The following KIAA2012 variants were observed in gnomAD, a reference collection of about 807,000 sequenced individuals.
KIAA2012 encodes the protein KIAA2012, also known as uncharacterized protein KIAA2012.
In KIAA2012, 125 loss-of-function variants were observed where a neutral mutation model predicts 150.6. The observed-to-expected ratio is 0.83, with a 90% CI of 0.72 to 0.96. The LOEUF (loss-of-function observed/expected upper bound fraction) is 0.96, where lower values mean the gene tolerates loss of function less well. KIAA2012 is among the 40% of genes least tolerant of loss of function. The probability of loss-of-function intolerance (pLI) is 0.00; values close to 1 mark genes in which losing one functional copy is unlikely to be tolerated. For synonymous variants in KIAA2012, 462 were observed against 504.7 expected (o/e 0.92, Z 1.13); for missense variants, 1,219 against 1,354.9 (o/e 0.90, Z 1.57).
At position 202,090,948 on chromosome 2, in the gene KIAA2012, G is replaced by T. The variant is rs1168529768; in HGVS notation, c.529+19G>T. ...TGCGCAGGTCAGTGGGGAAATGGGA[G>T]GGGGGCACACCCCAAACTGCCCCAC... On this transcript the variant is annotated intron_variant, in intron 3 of 23. Coordinates refer to ENST00000498697, the MANE Select transcript of KIAA2012 (RefSeq NM_001277372.4). 9 of 1,528,830 alleles carry T rather than the reference G, an allele frequency of 5.9e-6. No homozygotes were observed. In the Admixed American group the frequency reaches 1.4e-4, roughly 24 times the overall value. 94.7% of individuals were successfully genotyped at this position (1,528,830 alleles called of 1,614,324 possible). A position where few individuals can be genotyped will look rare whatever the true frequency, so the allele number is the denominator to read the frequency against.
At position 202,109,791 on chromosome 2, in the gene KIAA2012, T is replaced by TAATC. The variant is rs1483067626; in HGVS notation, c.1651+4_1651+7dup. On this transcript the variant is annotated splice_region_variant and intron_variant, in intron 10 of 23. Transcript: ENST00000498697. The stretch of plus-strand genomic sequence containing the variant: ...GGAGGGCACTGCCAGCAGCTCAAGG[T>TAATC]AATCATTCCCAGAGTGCATAGACGC... The TAATC allele has an allele frequency of 1.9e-6, 3 of 1,545,790 alleles. No homozygotes were observed. Among genetic ancestry groups the TAATC allele is most frequent in the Non-Finnish European group, 1.7e-6 (2 of 1,145,284 alleles).
intron 18 of KIAA2012, among the ~76,000 whole-genome samples, chr2:202,189,146 A>G (rs2105745920): frequency 6.6e-6 from 1 of 152,322 alleles, no homozygotes; most frequent in African/African-American, 2.4e-5. Context: ...AAGCGAAGGA[A>G]GGGTCCTTAG....
rs981738832 is a variant in KIAA2012, at chr2:202,073,315, A to G, written c.-313A>G. 3 of 280,410 alleles carry G rather than the reference A, an allele frequency of 1.1e-5. No homozygotes were observed. The highest frequency in any genetic ancestry group is 6.4e-5 in the African/African-American group (3 of 46,890). The allele number at this position is 280,410 out of a possible 1,614,324, so 17.4% of individuals were successfully genotyped here. A position where few individuals can be genotyped will look rare whatever the true frequency, so the allele number is the denominator to read the frequency against. On this transcript the variant is annotated 5_prime_UTR_variant, in exon 1 of 24. Transcript: ENST00000498697. ...GATGCACACGGCTGGTAACAGAGCA[A>G]CCGGGACCAAGGGACAACAAGAGCT...
intron 14 of KIAA2012, among the ~76,000 whole-genome samples, chr2:202,155,396 A>C (rs563978970): frequency 6.6e-6 from 1 of 152,276 alleles, no homozygotes; most frequent in South Asian, 2.1e-4. Flanking sequence ...AGTGCCCGAC[A>C]CATGGAAGGT....
chr2:202,106,891 G>A (rs1000081143), intron 9 of KIAA2012, among the ~76,000 whole-genome samples: 30 of 152,136 alleles, frequency 2.0e-4, no homozygotes, highest in Non-Finnish European at 1.6e-4. Context: ...CAAAGGGCAC[G>A]TGCAAGATGA....
intron 9 of KIAA2012, 40 bp downstream of exon 9, chr2:202,105,950 C>G: frequency 6.4e-7 from 1 of 1,550,742 alleles, no homozygotes; most frequent in African/African-American, 1.4e-5. Context: ...GGGAACCTCA[C>G]TCTGAAGGGA....
intron 2 of KIAA2012, among the ~76,000 whole-genome samples, chr2:202,075,851 A>G (rs1689312595): frequency 6.6e-6 from 1 of 152,258 alleles, no homozygotes; most frequent in South Asian, 2.1e-4. Flanking sequence ...CTAATTTAAA[A>G]GTGTTTACTG....
At chr2:202,187,506 CA>C (rs1692251784) in intron 17 of KIAA2012, among the ~76,000 whole-genome samples, 1 of 152,102 alleles carries the variant, frequency 6.6e-6, no homozygotes, top group Admixed American at 6.6e-5. Flanking sequence ...AGGGTTTCAC[CA>C]TGTTGGCCAG....
chr2:202,188,222 G>A lies in KIAA2012; in HGVS notation c.2447G>A (p.Ser816Asn). 6.4e-7 allele frequency: 1 copy of A among 1,550,506 alleles called. No homozygotes were observed. The highest frequency in any genetic ancestry group is 8.7e-7 in the Non-Finnish European group (1 of 1,146,936). Residue 816 changes from serine (S) to asparagine (N), a missense_variant, in exon 18 of 24, where the codon AGC becomes AAC. Transcript: ENST00000498697. ...AAAGACAAAACCAAAGGACCCAAAA[G>A]CGAGAGAGAAGGAAAGGTCTACGGG... ...PKKDKTKGPK[S>N]EREGKVYGQA...
intron 11 of KIAA2012, chr2:202,113,891 C>T (rs1418649496): frequency 6.5e-6 from 1 of 153,902 alleles, no homozygotes; most frequent in Non-Finnish European, 1.4e-5. Context: ...GATAGCAAGG[C>T]AGTTTCCAAA....
chr2:202,099,874 C>A, intron 6 of KIAA2012, 78 bp downstream of exon 6: 4 of 1,209,846 alleles, frequency 3.3e-6, no homozygotes, highest in Non-Finnish European at 3.4e-6. Context: ...CTGAGGCATG[C>A]CAAACATCAC....
At chr2:202,169,784 C>T (rs1188831511) in intron 15 of KIAA2012, among the ~76,000 whole-genome samples, 1 of 152,240 alleles carries the variant, frequency 6.6e-6, no homozygotes, top group Non-Finnish European at 1.5e-5. Flanking sequence ...GAAATCTATT[C>T]ATCGAGGAAA....
intron 15 of KIAA2012, among the ~76,000 whole-genome samples, chr2:202,166,841 A>G (rs1009047944): frequency 6.6e-6 from 1 of 152,168 alleles, no homozygotes; most frequent in Admixed American, 6.5e-5. Context: ...GAACACTTCA[A>G]GTTTCCACAA....
At chr2:202,162,882 A>G (rs536660912) in intron 14 of KIAA2012, among the ~76,000 whole-genome samples, 25 of 145,276 alleles carry the variant, frequency 1.7e-4, no homozygotes, top group Non-Finnish European at 7.5e-5. Flanking sequence ...GTGAGCTGAG[A>G]TCGCACCACT....
chr2:202,138,185 C>T (rs1691119879), intron 12 of KIAA2012: 1 of 286,912 alleles, frequency 3.5e-6, no homozygotes, highest in Admixed American at 4.9e-5. Flanking sequence ...TAAAGAGCAA[C>T]CAAAACAAGA....
At chr2:202,201,227 G>A (rs1054983292) in intron 22 of KIAA2012, among the ~76,000 whole-genome samples, 1 of 152,140 alleles carries the variant, frequency 6.6e-6, no homozygotes, top group African/African-American at 2.4e-5. Context: ...CTCATTAAAT[G>A]TGAAAAGTGC....
chr2:202,091,370 A>G (rs1689714734), intron 3 of KIAA2012, among the ~76,000 whole-genome samples: 2 of 152,204 alleles, frequency 1.3e-5, no homozygotes, highest in African/African-American at 4.8e-5. Flanking sequence ...ACAGTTCCAC[A>G]TTCTTCCCAA....
chr2:202,105,897 A>T lies in KIAA2012; in HGVS notation c.1461A>T (p.Thr487=). Residue 487 remains threonine, a synonymous_variant, in exon 9 of 24, where the codon ACA becomes ACT. Coordinates refer to ENST00000498697, the MANE Select transcript of KIAA2012 (RefSeq NM_001277372.4). ...TCCCAGTGGACGCGAGCAGGGACAC[A>T]CTCTCACCTCAAGGTAGCTCCTCCC... is the stretch of plus-strand genomic sequence containing the variant. ...VHLPVDASRD[T]LSPQDDDAPP... is the part of the protein sequence containing the mutation. 6.4e-7 allele frequency: 1 copy of T among 1,550,558 alleles called. No individual in the cohort carries two copies.
chr2:202,177,168 T>C (rs1302996385), intron 15 of KIAA2012, among the ~76,000 whole-genome samples: 1 of 152,254 alleles, frequency 6.6e-6, no homozygotes, highest in Non-Finnish European at 1.5e-5. Flanking sequence ...AAGGGTTTTT[T>C]GCCTTATTAA....
Sources: gnomAD v4.1 joint callset for allele counts (sites outside exome capture counted in the v4.1 genomes callset) on GRCh38, gnomAD v4.1.1 for gene constraint, MANE v1.5 for transcripts, NCBI Gene and HGNC (gene_info 2026-07-23, HGNC 2026-07-21) for gene names.